PKD1L3: variants seen among roughly 807,000 people sequenced by gnomAD.
PKD1L3 encodes polycystin 1 like 3, transient receptor potential channel interacting.
A neutral mutation model predicts 184.1 loss-of-function variants in PKD1L3; 239 were observed. The ratio of observed to expected loss-of-function variants is 1.30; its 90% CI spans 1.17 to 1.45. PKD1L3 has a LOEUF of 1.45. PKD1L3 is among the 40% of genes most tolerant of loss of function. The pLI, the probability that PKD1L3 is intolerant of heterozygous loss-of-function variation, is 0.00. For missense variants in PKD1L3, 2,660 were observed against 2,067.2 expected (o/e 1.29, Z -5.56); for synonymous variants, 996 against 778.8 (o/e 1.28, Z -4.64).
At position 71,970,025 on chromosome 16, in the gene PKD1L3, C is replaced by T. The variant is rs753024253; in HGVS notation, c.2034G>A (p.Val678=). 3 of 1,551,668 alleles carry T rather than the reference C, an allele frequency of 1.9e-6. No homozygotes were observed. The South Asian group carries it at 3.6e-5, about 18-fold the overall frequency. The change falls in exon 13 of 30, where the codon GTG becomes GTA. Residue 678 remains valine (V), a synonymous_variant. Coordinates refer to ENST00000620267, the MANE Select transcript of PKD1L3 (RefSeq NM_181536.2). ...TGTCTTCAACATTCACGGTCCTGGG[C>T]ACGACAAAGAAGTCGCTGGCAAAGA... ...LTFFASDFFV[V]PRTVNVEDTI...
At chr16:71,977,991 C>A (rs972887033) in intron 10 of PKD1L3, among the ~76,000 whole-genome samples, 4 of 152,086 alleles carry the variant, frequency 2.6e-5, no homozygotes, top group Non-Finnish European at 5.9e-5. Flanking sequence ...CCAGGCTGGT[C>A]TCGAACTCCT....
rs2040912371 is a variant in PKD1L3, at chr16:71,999,929, A to C, written c.50T>G (p.Ile17Ser). 6.5e-7 allele frequency: 1 copy of C among 1,548,638 alleles called. No individual in the cohort carries two copies. The highest frequency in any genetic ancestry group is 8.7e-7 in the Non-Finnish European group (1 of 1,144,502). Reference protein sequence around the residue: ...SWLWLYIRTSIILGSELNSPA... With the variant: ...SWLWLYIRTSSILGSELNSPA... Reference sequence around the variant, plus strand: ...GCTGTTTAGCTCACTTCCTAGAATAATACTTGTTCTGATGTATAACCAAAG... The same window carrying C: ...GCTGTTTAGCTCACTTCCTAGAATACTACTTGTTCTGATGTATAACCAAAG... Residue 17 changes from isoleucine (I) to serine (S), a missense_variant, in exon 1 of 30, where the codon ATT becomes AGT. Ile to Ser is a moderately radical substitution (Grantham distance 142). Transcript: ENST00000620267.
chr16:71,990,529 T>G lies in PKD1L3; in HGVS notation c.536-200A>C, dbSNP rs187144077. On this transcript the variant is annotated intron_variant, in intron 3 of 29. Transcript: ENST00000620267. ...AGGCAGATCACTTGAGGTCAGGAGT[T>G]TGAGACCAGCCTGGCCAGTGTGGTG... Among the ~76,000 whole-genome samples, 436 of 152,162 alleles carry G rather than the reference T, an allele frequency of 2.9e-3. 3 individuals are homozygous for G. The highest frequency in any genetic ancestry group is 0.01 in the African/African-American group (416 of 41,518).
intron 3 of PKD1L3, among the ~76,000 whole-genome samples, chr16:71,991,591 C>T (rs1225316439): frequency 1.3e-5 from 2 of 152,102 alleles, no homozygotes; most frequent in East Asian, 1.9e-4. Context: ...AAATACGAAA[C>T]CATTCTTTTT....
chr16:71,950,363 A>G (rs1382769518), intron 19 of PKD1L3, 53 bp from the exon 20 acceptor site: 1 of 1,413,458 alleles, frequency 7.1e-7, no homozygotes, highest in African/African-American at 1.4e-5. Context: ...AATAAGAAGC[A>G]ATTAGTGGTA....
chr16:71,936,984 A>G (rs1474735648), intron 25 of PKD1L3, among the ~76,000 whole-genome samples: 2 of 152,234 alleles, frequency 1.3e-5, no homozygotes, highest in Non-Finnish European at 2.9e-5. Flanking sequence ...CCATAATTCT[A>G]GTAACATGTC....
At chr16:71,959,100 A>C (rs1461397591) in intron 16 of PKD1L3, among the ~76,000 whole-genome samples, 2 of 150,390 alleles carry the variant, frequency 1.3e-5, no homozygotes, top group Admixed American at 1.3e-4. Context: ...AAAAAAAAAA[A>C]AAAAGACACT....
rs537111482 is a variant in PKD1L3 at position 71,933,914 on chromosome 16, C to T, written c.4824+1G>A. ...GGAGAGACAGCAACGTGGGGGCTTA[C>T]GGCAATGGCATAGCCTGTCAGCAGG... On this transcript the variant is annotated splice_donor_variant, in intron 27 of 29. Transcript: ENST00000620267. LOFTEE classifies it high-confidence loss of function. 2.8e-5 allele frequency: 43 copies of T among 1,550,716 alleles called. No individual in the cohort carries two copies. In the East Asian group the frequency reaches 5.4e-4, roughly 19 times the overall value.
intron 16 of PKD1L3, among the ~76,000 whole-genome samples, chr16:71,960,693 A>C (rs1460685784): frequency 6.6e-6 from 1 of 152,238 alleles, no homozygotes; most frequent in Non-Finnish European, 1.5e-5. Flanking sequence ...CACAGAGATT[A>C]AACAGATAAA....
chr16:71,996,925 C>A (rs1221414906), intron 2 of PKD1L3, among the ~76,000 whole-genome samples: 1 of 150,046 alleles, frequency 6.7e-6, no homozygotes, highest in South Asian at 2.1e-4. Context: ...GTGGTCCGAG[C>A]CTTGGACGGA....
intron 11 of PKD1L3, among the ~76,000 whole-genome samples, chr16:71,974,616 G>A (rs1015147608): frequency 3.9e-5 from 6 of 152,174 alleles, no homozygotes; most frequent in Non-Finnish European, 7.3e-5. Context: ...CCCAGGAGGC[G>A]GAGGCTACAG....
At position 71,953,915 on chromosome 16, in the gene PKD1L3, GT is replaced by G. The variant is rs767808475; in HGVS notation, c.2809+189del. 4.6e-5 allele frequency among the ~76,000 whole-genome samples: 7 copies of G among 152,212 alleles called. No homozygotes were observed. In the South Asian group the frequency reaches 1.5e-3, roughly 32 times the overall value. On this transcript the variant is annotated intron_variant, in intron 17 of 29. Coordinates refer to ENST00000620267, the MANE Select transcript of PKD1L3 (RefSeq NM_181536.2). ...CTGAAAGTAAGGGTAGTGGAGTTTA[GT>G]TAAAGTATTGCATAGTAGGCTGGGC...
intron 4 of PKD1L3, among the ~76,000 whole-genome samples, chr16:71,987,124 C>T (rs1490975095): frequency 6.6e-6 from 1 of 151,176 alleles, no homozygotes; most frequent in East Asian, 2.0e-4. Flanking sequence ...GGGGTTTCAC[C>T]ATGTTGGCCA....
intron 12 of PKD1L3, among the ~76,000 whole-genome samples, chr16:71,971,779 A>G (rs541795419): frequency 6.6e-6 from 1 of 152,290 alleles, no homozygotes; most frequent in African/African-American, 2.4e-5. Flanking sequence ...TGAGGCTATG[A>G]ATGGTGCAGA....
chr16:71,977,422 G>C lies in PKD1L3; in HGVS notation c.1573C>G (p.Leu525Val), dbSNP rs1223170398. 1.3e-6 allele frequency: 2 copies of C among 1,551,586 alleles called. No homozygotes were observed. The highest frequency in any genetic ancestry group is 2.0e-5 in the Admixed American group (1 of 50,996). ...NVSLETHPTS[L>V]NMSTHQLTIT... ...GTAAGCTGATGTGTGCTCATGTTGA[G>C]GCTGGTGGGATGGGTTTCCAAGCTA... Residue 525 changes from leucine (L) to valine (V), a missense_variant, in exon 11 of 30, where the codon CTC becomes GTC. Transcript: ENST00000620267.
chr16:71,970,137 C>T (rs1567527725), intron 12 of PKD1L3, 32 bp from the exon 13 acceptor site: 4 of 1,503,500 alleles, frequency 2.7e-6, no homozygotes, highest in Non-Finnish European at 3.6e-6. Context: ...TGATTCTAGT[C>T]AGACAGAGTG....
intron 4 of PKD1L3, among the ~76,000 whole-genome samples, chr16:71,988,563 G>T (rs2040468809): frequency 6.6e-6 from 1 of 152,186 alleles, no homozygotes; most frequent in Non-Finnish European, 1.5e-5. Context: ...ACCATGGTGA[G>T]AAGGGGTTAG....
At position 71,984,147 on chromosome 16, in the gene PKD1L3, C is replaced by T. The variant is rs931282177; in HGVS notation, c.855G>A (p.Gly285=). 2 of 1,551,432 alleles carry T rather than the reference C, an allele frequency of 1.3e-6. No individual in the cohort carries two copies. The highest frequency in any genetic ancestry group is 2.0e-5 in the Admixed American group (1 of 50,952). ...ASGQVIDEIA[G]NFSRAVHGLQ... is the part of the protein sequence containing the mutation. ...AACCATGAACTGCTCTGCTGAAGTT[C>T]CCTGCTATCTCATCTATGACCTATT... Residue 285 remains glycine (G), a synonymous_variant, in exon 6 of 30, where the codon GGG becomes GGA. Transcript: ENST00000620267.
At chr16:71,968,664 T>C (rs8053217) in intron 13 of PKD1L3, among the ~76,000 whole-genome samples, 40,582 of 151,432 alleles carry the variant, frequency 0.27, 5,719 homozygotes, top group South Asian at 0.41. Flanking sequence ...GGTTCATTCT[T>C]GGCTCACTGC....
Sources: gnomAD v4.1 joint callset for allele counts (sites outside exome capture counted in the v4.1 genomes callset) on GRCh38, gnomAD v4.1.1 for gene constraint, MANE v1.5 for transcripts, NCBI Gene and HGNC (gene_info 2026-07-23, HGNC 2026-07-21) for gene names.